SLCO1A2: variants seen among roughly 807,000 people sequenced by gnomAD.
The protein encoded by SLCO1A2 is OATP-1.
In SLCO1A2, 67 loss-of-function variants were observed where a neutral mutation model predicts 69.0. That is an observed-to-expected ratio of 0.97 (90% confidence interval 0.80 to 1.19). SLCO1A2 has a LOEUF of 1.19. Ranked by LOEUF, SLCO1A2 falls within the 50% of genes most tolerant of loss-of-function variation. The pLI is 0.00. For missense variants in SLCO1A2, 787 were observed against 793.7 expected, an observed-to-expected ratio of 0.99 and a Z score of 0.10; for synonymous variants, 260 against 265.9, an observed-to-expected ratio of 0.98 and a Z score of 0.22.
chr12:21,318,867 A>G lies in SLCO1A2; in HGVS notation c.117T>C (p.Tyr39=). 6.2e-7 allele frequency: 1 copy of G among 1,611,764 alleles called. No homozygotes were observed. Among genetic ancestry groups the G allele is most frequent in the South Asian group, 1.1e-5 (1 of 90,724 alleles). Residue 39 remains tyrosine (Y), a synonymous_variant, in exon 3 of 15, where the codon TAT becomes TAC. Transcript: ENST00000683939. The stretch of plus-strand genomic sequence containing the variant: ...CTATTTGTGTGAGCATGGAATTCAT[A>G]TAAGATCCAGACAGTGTTTTGGATA... The part of the protein sequence containing the change: ...AFVSKTLSGS[Y]MNSMLTQIER...
In SLCO1A2 at chr12:21,266,885, A is replaced by G. The variant is rs1182491728; in HGVS notation, c.*2663T>C. The G allele has an allele frequency of 2.0e-5, 3 of 152,102 alleles. No individual in the cohort carries two copies. Among genetic ancestry groups the G allele is most frequent in the African/African-American group, 4.8e-5 (2 of 41,424 alleles). 9.4% of individuals were successfully genotyped at this position (152,102 alleles called of 1,614,324 possible). On this transcript the variant is annotated 3_prime_UTR_variant, in exon 15 of 15. Transcript: ENST00000683939. ...TAGGTTAATTTTTGAATTATAAGTA[A>G]TATATTAAACCACTATTTCTAGTTT...
rs953811943 is a variant in SLCO1A2, at chr12:21,327,010, C to T, written c.60+7578G>A. On this transcript the variant is annotated intron_variant, in intron 2 of 14. Transcript: ENST00000683939. Reference sequence around the variant, plus strand: ...TGTCTCCCGGACATGTCAGAAGTCTCCACAGTAGCCCCTCCCATCACAGGC... The same window carrying T: ...TGTCTCCCGGACATGTCAGAAGTCTTCACAGTAGCCCCTCCCATCACAGGC... 2.6e-5 allele frequency among the ~76,000 whole-genome samples: 4 copies of T among 152,102 alleles called. No homozygotes were observed. In the East Asian group the frequency reaches 5.8e-4, roughly 22 times the overall value.
chr12:21,359,367 A>C (rs61927808), intron 2 of SLCO1A2, among the ~76,000 whole-genome samples: 14 of 152,240 alleles, frequency 9.2e-5, no homozygotes, highest in Non-Finnish European at 1.8e-4. Flanking sequence ...CTCTTCCTCA[A>C]CTTGACTATT....
chr12:21,351,860 A>G (rs531210153), intron 2 of SLCO1A2, among the ~76,000 whole-genome samples: 2 of 152,192 alleles, frequency 1.3e-5, no homozygotes, highest in Admixed American at 1.3e-4. Context: ...TGCCAAGACC[A>G]GGCTTTGTTA....
chr12:21,399,706 C>G (rs1350453193), upstream of SLCO1A2, among the ~76,000 whole-genome samples: 1 of 114,710 alleles, frequency 8.7e-6, no homozygotes, highest in Non-Finnish European at 1.9e-5. Flanking sequence ...AAACAGAGCC[C>G]TCAGAAATAA....
intron 10 of SLCO1A2, chr12:21,294,892 A>G (rs1947469766): frequency 6.6e-6 from 1 of 152,242 alleles, no homozygotes; most frequent in South Asian, 2.1e-4. Flanking sequence ...TTATATTACT[A>G]TTTTACATTT....
chr12:21,307,360 T>G (rs1200585654), intron 4 of SLCO1A2, among the ~76,000 whole-genome samples: 1 of 152,174 alleles, frequency 6.6e-6, no homozygotes, highest in Non-Finnish European at 1.5e-5. Flanking sequence ...GATAAATGCT[T>G]TGGAAGGAAT....
intron 2 of SLCO1A2, among the ~76,000 whole-genome samples, chr12:21,373,885 A>G (rs1270598718): frequency 1.3e-5 from 2 of 152,176 alleles, no homozygotes; most frequent in Admixed American, 1.3e-4. Context: ...AAACTTTTAC[A>G]TCTTGTGGAA....
intron 6 of SLCO1A2, among the ~76,000 whole-genome samples, chr12:21,304,008 A>G (rs11045958): frequency 0.11 from 16,789 of 152,248 alleles, 1,030 homozygotes; most frequent in Non-Finnish European, 0.13. Context: ...TGAGAAAATA[A>G]AATTCTGAAG....
chr12:21,357,310 T>C (rs1463576283), intron 2 of SLCO1A2, among the ~76,000 whole-genome samples: 1 of 152,120 alleles, frequency 6.6e-6, no homozygotes, highest in Admixed American at 6.5e-5. Flanking sequence ...CACACAGGGA[T>C]AATGCCTCAT....
intron 2 of SLCO1A2, among the ~76,000 whole-genome samples, chr12:21,361,795 G>A (rs543388835): frequency 6.6e-6 from 1 of 152,304 alleles, no homozygotes; most frequent in South Asian, 2.1e-4. Context: ...AAGGGTATCA[G>A]TGATTGAAGA....
chr12:21,332,979 A>C (rs1005416098), intron 2 of SLCO1A2, among the ~76,000 whole-genome samples: 1 of 152,132 alleles, frequency 6.6e-6, no homozygotes, highest in East Asian at 1.9e-4. Flanking sequence ...CATTCTTAAT[A>C]TGAATCAAAA....
At chr12:21,304,839 A>G (rs1949157798) in intron 5 of SLCO1A2, among the ~76,000 whole-genome samples, 1 of 152,156 alleles carries the variant, frequency 6.6e-6, no homozygotes, top group Non-Finnish European at 1.5e-5. Context: ...CTCCCAACTC[A>G]GTGTTCAGTG....
intron 4 of SLCO1A2, among the ~76,000 whole-genome samples, chr12:21,307,546 C>G (rs1449613786): frequency 6.6e-6 from 1 of 152,130 alleles, no homozygotes; most frequent in Non-Finnish European, 1.5e-5. Context: ...ATCACCATGA[C>G]ACATAATGTA....
At chr12:21,402,586 C>A (rs1941742095) in intron 1 of SLCO1A2, among the ~76,000 whole-genome samples, 2 of 151,954 alleles carry the variant, frequency 1.3e-5, no homozygotes, top group African/African-American at 4.8e-5. Flanking sequence ...TCTGGCATTC[C>A]ACTTTTGGAA....
intron 2 of SLCO1A2, among the ~76,000 whole-genome samples, chr12:21,347,669 A>AAAGAAAGGAAGGAAAGAAGGAAGG (rs1555122066): frequency 8.8e-6 from 1 of 113,422 alleles, no homozygotes; most frequent in African/African-American, 4.0e-5. Context: ...AGAAAGAAAG[A>AAAGAAAGGAAGGAAAGAAGGAAGG]AAGGAAGGAA....
intron 1 of SLCO1A2, among the ~76,000 whole-genome samples, chr12:21,416,993 C>A (rs1271435691): frequency 1.3e-5 from 2 of 152,072 alleles, no homozygotes; most frequent in Admixed American, 6.6e-5. Flanking sequence ...AGTATTTGAA[C>A]TCAGTGATTG....
chr12:21,395,225 C>G (rs1449394380), exon 1 of SLCO1A2: 1 of 152,998 alleles, frequency 6.5e-6, no homozygotes, highest in Admixed American at 6.5e-5. Flanking sequence ...CTCAAGGGGT[C>G]AGGGAGTTCC....
upstream of SLCO1A2, among the ~76,000 whole-genome samples, chr12:21,400,125 C>T (rs1213070952): frequency 6.6e-6 from 1 of 152,084 alleles, no homozygotes; most frequent in African/African-American, 2.4e-5. Flanking sequence ...GCAACCTACT[C>T]ATCTGACAAA....
Sources: gnomAD v4.1 joint callset for allele counts (sites outside exome capture counted in the v4.1 genomes callset) on GRCh38, gnomAD v4.1.1 for gene constraint, MANE v1.5 for transcripts, NCBI Gene and HGNC (gene_info 2026-07-23, HGNC 2026-07-21) for gene names.